Variants in RNF6 observed in about 807,000 individuals in gnomAD.
RNF6 encodes the protein E3 ubiquitin-protein ligase RNF6.
RNF6 carries 21 observed loss-of-function variants against 50.1 expected under a neutral mutation model. The ratio of observed to expected loss-of-function variants is 0.42; its 90% confidence interval spans 0.30 to 0.60. The LOEUF (loss-of-function observed/expected upper bound fraction) is 0.60, where lower values mean the gene tolerates loss of function less well. RNF6 is among the 20% of genes least tolerant of loss of function. RNF6 has a pLI of 0.20. For missense variants in RNF6, 698 were observed against 838.2 expected (o/e 0.83, Z 2.07); for synonymous variants, 255 against 291.8 (o/e 0.87, Z 1.29).
intron 5 of RNF6, among the ~76,000 whole-genome samples, chr13:26,165,208 C>T (rs1178995254): frequency 6.6e-6 from 1 of 152,216 alleles, no homozygotes; most frequent in African/African-American, 2.4e-5. Context: ...AGGTGCAAAC[C>T]TCAAGCCTTG....
intron 5 of RNF6, among the ~76,000 whole-genome samples, chr13:26,199,605 G>A (rs796069490): frequency 2.2e-4 from 34 of 151,922 alleles, no homozygotes; most frequent in African/African-American, 8.2e-4. Flanking sequence ...GAGACTGAGA[G>A]GATAAAACAT....
Position 26,213,738 on chromosome 13 carries a change from G to T in RNF6, c.*86C>A. On this transcript the variant is annotated 3_prime_UTR_variant, in exon 5 of 5. Coordinates refer to ENST00000381588, the MANE Select transcript of RNF6 (RefSeq NM_005977.4). Reference sequence around the variant, plus strand: ...TATATAATCTGTTATTTTTCATCCTGGTTAGCTAATCACAAATAACTCAGC... The same window carrying T: ...TATATAATCTGTTATTTTTCATCCTTGTTAGCTAATCACAAATAACTCAGC... The T allele has an allele frequency of 9.2e-7, 1 of 1,087,592 alleles. No homozygotes were observed. The highest frequency in any genetic ancestry group is 1.3e-6 in the Non-Finnish European group (1 of 760,674). The allele number at this position is 1,087,592 out of a possible 1,614,324, so 67.4% of individuals were successfully genotyped here.
intron 5 of RNF6, among the ~76,000 whole-genome samples, chr13:26,143,733 T>A (rs1871081393): frequency 6.6e-6 from 1 of 152,138 alleles, no homozygotes; most frequent in Non-Finnish European, 1.5e-5. Context: ...GACTGAGTCT[T>A]CAAAAGCCTA....
At position 26,172,620 on chromosome 13, in the gene RNF6, G is replaced by A. The variant is rs574129132; in HGVS notation, n.769-40169C>T. 7.9e-5 allele frequency among the ~76,000 whole-genome samples: 12 copies of A among 151,372 alleles called. No homozygotes were observed. In the South Asian group the frequency reaches 1.9e-3, roughly 24 times the overall value. Reference sequence around the variant, plus strand: ...GTGCAGTGGCGCGATCTGGGCCCACGGAAAGCTCTGCCTGCCGGGTTCACG... The same window carrying A: ...GTGCAGTGGCGCGATCTGGGCCCACAGAAAGCTCTGCCTGCCGGGTTCACG... On this transcript the variant is annotated intron_variant and non_coding_transcript_variant, in intron 5 of 5. Coordinates refer to the RNF6 transcript ENST00000468480.
intron 4 of RNF6, among the ~76,000 whole-genome samples, chr13:26,216,408 A>T (rs1869878329): frequency 6.6e-6 from 1 of 152,176 alleles, no homozygotes; most frequent in South Asian, 2.1e-4. Flanking sequence ...AGATTTTTGT[A>T]GTTTTAGTCA....
In RNF6 at chr13:26,213,022, T is replaced by G. The variant is rs1193011884; in HGVS notation, c.*802A>C. The G allele has an allele frequency of 6.6e-6, 1 of 152,548 alleles. No individual in the cohort carries two copies. The allele number at this position is 152,548 out of a possible 1,614,324, so 9.4% of individuals were successfully genotyped here. A position where few individuals can be genotyped will look rare whatever the true frequency, so the allele number is the denominator to read the frequency against. ...AGAATTGTTTGCACTTTCAAAAAAG[T>G]TACAAAAAGGCTGAACACAAGTTAA... On this transcript the variant is annotated 3_prime_UTR_variant, in exon 5 of 5. Coordinates refer to ENST00000381588, the MANE Select transcript of RNF6 (RefSeq NM_005977.4).
chr13:26,212,177 A>G (rs1175328969), downstream of RNF6, among the ~76,000 whole-genome samples: 2 of 152,190 alleles, frequency 1.3e-5, no homozygotes, highest in Admixed American at 6.5e-5. Flanking sequence ...CTCCTGGGCC[A>G]TGAAAAATGA....
At chr13:26,132,681 A>G (rs1038025059) in intron 5 of RNF6, among the ~76,000 whole-genome samples, 2 of 152,252 alleles carry the variant, frequency 1.3e-5, no homozygotes, top group African/African-American at 2.4e-5. Flanking sequence ...AGGTAGAAAC[A>G]TTAAGTTTTC....
chr13:26,173,955 A>C (rs1371951012), intron 5 of RNF6, among the ~76,000 whole-genome samples: 1 of 151,888 alleles, frequency 6.6e-6, no homozygotes, highest in Non-Finnish European at 1.5e-5. Flanking sequence ...GTCTCAAAAA[A>C]AAAAAAAAAA....
At chr13:26,172,606 C>T (rs1371640510) in intron 5 of RNF6, among the ~76,000 whole-genome samples, 3 of 150,972 alleles carry the variant, frequency 2.0e-5, no homozygotes, top group East Asian at 1.9e-4. Context: ...TGCAGTGGCG[C>T]GATCTGGGCC....
chr13:26,186,192 C>G (rs1258383561), intron 5 of RNF6, among the ~76,000 whole-genome samples: 2 of 152,204 alleles, frequency 1.3e-5, no homozygotes, highest in African/African-American at 4.8e-5. Flanking sequence ...ATGATACACA[C>G]AACGCAGAGG....
chr13:26,157,673 T>C lies in RNF6; in HGVS notation n.769-25222A>G, dbSNP rs539756238. ...AAACAGATATTTTTCACTTTGCAGG[T>C]TGACAAAGATTAAAAGGATTGACCA... is the stretch of plus-strand genomic sequence containing the variant. On this transcript the variant is annotated intron_variant and non_coding_transcript_variant, in intron 5 of 5. Transcript: ENST00000468480. Among the ~76,000 whole-genome samples, 11 of 152,234 alleles carry C rather than the reference T, an allele frequency of 7.2e-5. No individual in the cohort carries two copies. The South Asian group carries it at 1.9e-3, about 26-fold the overall frequency.
At chr13:26,148,387 A>C (rs1384612407) in intron 5 of RNF6, among the ~76,000 whole-genome samples, 1 of 151,916 alleles carries the variant, frequency 6.6e-6, no homozygotes, top group African/African-American at 2.4e-5. Flanking sequence ...CAATGATCTA[A>C]TTGTGATAAT....
intron 5 of RNF6, among the ~76,000 whole-genome samples, chr13:26,160,212 T>G (rs554008384): frequency 2.0e-4 from 30 of 152,188 alleles, no homozygotes; most frequent in Non-Finnish European, 4.0e-4. Flanking sequence ...AATTGTGCAG[T>G]TCGATAAACA....
chr13:26,202,986 A>T (rs970207411), intron 5 of RNF6, among the ~76,000 whole-genome samples: 1 of 152,230 alleles, frequency 6.6e-6, no homozygotes, highest in Non-Finnish European at 1.5e-5. Context: ...GTATCATCTT[A>T]CTTAACCCCA....
chr13:26,173,005 A>C (rs1379293783), intron 5 of RNF6, among the ~76,000 whole-genome samples: 1 of 152,258 alleles, frequency 6.6e-6, no homozygotes, highest in Admixed American at 6.5e-5. Context: ...GAAGGAGAAA[A>C]GCCAGGTGGA....
upstream of RNF6, chr13:26,222,383 A>G (rs1285174674): frequency 6.6e-6 from 1 of 152,280 alleles, no homozygotes; most frequent in Non-Finnish European, 1.5e-5. Flanking sequence ...CCGCCCTTAC[A>G]GTGCCTCCTC....
intron 5 of RNF6, among the ~76,000 whole-genome samples, chr13:26,156,866 A>T (rs1016320726): frequency 6.6e-6 from 1 of 152,188 alleles, no homozygotes; most frequent in African/African-American, 2.4e-5. Context: ...ACACTGAAGT[A>T]ACAGATGGGA....
chr13:26,216,540 T>C (rs1302893181), intron 4 of RNF6, among the ~76,000 whole-genome samples: 1 of 152,202 alleles, frequency 6.6e-6, no homozygotes, highest in Non-Finnish European at 1.5e-5. Context: ...ATACTGCCAC[T>C]GTGCCAAGCT....
Sources: gnomAD v4.1 joint callset for allele counts (sites outside exome capture counted in the v4.1 genomes callset) on GRCh38, gnomAD v4.1.1 for gene constraint, MANE v1.5 for transcripts, NCBI Gene and HGNC (gene_info 2026-07-23, HGNC 2026-07-21) for gene names.